Variants in GDF10 observed in about 807,000 individuals in gnomAD.
GDF10 encodes growth differentiation factor 10.
A neutral mutation model predicts 32.1 loss-of-function variants in GDF10; 23 were observed. The observed-to-expected ratio is 0.72, with a 90% confidence interval of 0.52 to 1.02. The LOEUF is 1.02. Among genes scored for constraint, GDF10 ranks in the 50% least tolerant of loss-of-function variants. GDF10 has a pLI of 0.00. For synonymous variants in GDF10, 328 were observed against 303.1 expected (o/e 1.08, Z -0.85); for missense variants, 764 against 673.9 (o/e 1.13, Z -1.48).
chr10:47,304,770 T>C (rs549991110), intron 1 of GDF10, among the ~76,000 whole-genome samples: 2 of 152,342 alleles, frequency 1.3e-5, no homozygotes, highest in African/African-American at 4.8e-5. Context: ...GTATTTCCAT[T>C]TGAAATTACT....
chr10:47,307,396 C>G (rs1555207241), intron 1 of GDF10, among the ~76,000 whole-genome samples: 1 of 152,208 alleles, frequency 6.6e-6, no homozygotes, highest in Non-Finnish European at 1.5e-5. Context: ...TAATGACGTT[C>G]TCTTCAATGC....
In GDF10 at chr10:47,300,217, G is replaced by A. The variant is rs879964147; in HGVS notation, c.-435G>A. On this transcript the variant is annotated 5_prime_UTR_variant, in exon 1 of 3. Coordinates refer to ENST00000580279, the MANE Select transcript of GDF10 (RefSeq NM_004962.5). ...CTGCCACACACGGGCGCACGCACACGGCAGCCGGGCCAGGGACGACCCTGT... is the reference window on the plus strand; with the variant it reads ...CTGCCACACACGGGCGCACGCACACAGCAGCCGGGCCAGGGACGACCCTGT... Among the ~76,000 whole-genome samples, 6 of 151,614 alleles carry A rather than the reference G, an allele frequency of 4.0e-5. No homozygotes were observed. Among genetic ancestry groups the A allele is most frequent in the Admixed American group, 1.3e-4 (2 of 15,214 alleles).
At chr10:47,304,326 C>G (rs537690033) in intron 1 of GDF10, among the ~76,000 whole-genome samples, 1 of 148,346 alleles carries the variant, frequency 6.7e-6, no homozygotes, top group Non-Finnish European at 1.5e-5. Flanking sequence ...AACGTGCATG[C>G]GTAAGGGACA....
chr10:47,305,128 G>C (rs1317458724), intron 1 of GDF10, among the ~76,000 whole-genome samples: 1 of 152,172 alleles, frequency 6.6e-6, no homozygotes, highest in Non-Finnish European at 1.5e-5. Context: ...AGAGGCAAAA[G>C]AGTTCTCAGG....
intron 1 of GDF10, among the ~76,000 whole-genome samples, chr10:47,305,592 T>C (rs1555207167): frequency 6.6e-6 from 1 of 152,254 alleles, no homozygotes; most frequent in Non-Finnish European, 1.5e-5. Context: ...AGTGGCTGTT[T>C]GAGGGGCAGT....
chr10:47,301,453 G>A (rs1419858053), intron 1 of GDF10, among the ~76,000 whole-genome samples: 2 of 151,744 alleles, frequency 1.3e-5, no homozygotes, highest in East Asian at 3.9e-4. Flanking sequence ...ACTGAGAAGG[G>A]CCTTGGCTGC....
chr10:47,300,601 C>G lies in GDF10; in HGVS notation c.-51C>G, dbSNP rs879977906. ...CAGTCCGCAGCCTCCGGTGCGCCAGCGCTCGCCTTCCTCCTCCTGGACTTC... is the reference window on the plus strand; with the variant it reads ...CAGTCCGCAGCCTCCGGTGCGCCAGGGCTCGCCTTCCTCCTCCTGGACTTC... On this transcript the variant is annotated 5_prime_UTR_variant, in exon 1 of 3. Coordinates refer to ENST00000580279, the MANE Select transcript of GDF10 (RefSeq NM_004962.5). The G allele has an allele frequency of 6.7e-7, 1 of 1,498,484 alleles. No homozygotes were observed. Among genetic ancestry groups the G allele is most frequent in the South Asian group, 1.3e-5 (1 of 77,768 alleles). 92.8% of individuals were successfully genotyped at this position (1,498,484 alleles called of 1,614,324 possible).
intron 2 of GDF10, among the ~76,000 whole-genome samples, chr10:47,312,363 G>T (rs2061049555): frequency 6.6e-6 from 1 of 152,190 alleles, no homozygotes; most frequent in Non-Finnish European, 1.5e-5. Context: ...AAGCCAAAGG[G>T]CAGGAAGGCC....
intron 1 of GDF10, 70 bp downstream of exon 1, chr10:47,301,040 C>T (rs1190725941): frequency 4.8e-6 from 5 of 1,045,446 alleles, no homozygotes; most frequent in Non-Finnish European, 6.6e-6. Context: ...TCTCCCCACC[C>T]GTGCACCTCT....
rs34420310 is a variant in GDF10 at position 47,300,695 on chromosome 10, AGCT to A, written c.62_64del (p.Leu21del). The A allele has an allele frequency of 9.4e-3, 15,071 of 1,597,096 alleles. 104 individuals are homozygous for A. Among genetic ancestry groups the A allele is most frequent in the Non-Finnish European group, 0.011 (12,606 of 1,173,438 alleles). On this transcript the variant is annotated inframe_deletion, in exon 1 of 3. Transcript: ENST00000580279. ...CGGACCAGCCCGGGACCCGGGCCCC[AGCT>A]GCTGCTGCTGCTGCTGCCGTTGTTT...
At position 47,309,673 on chromosome 10, in the gene GDF10, C is replaced by T. The variant is rs60085126; in HGVS notation, c.320-123C>T. On this transcript the variant is annotated intron_variant, in intron 1 of 2. Transcript: ENST00000580279. ...ATTACACGAAAGGAGGGAAGCAAAG[C>T]GGGGGAGGAGGATGGTCCTGAAAGT... The T allele has an allele frequency of 8.0e-3, 5,256 of 661,076 alleles. 212 individuals are homozygous for T. In the African/African-American group the frequency reaches 0.082, roughly 10 times the overall value. 41.0% of individuals were successfully genotyped at this position (661,076 alleles called of 1,614,324 possible). A position where few individuals can be genotyped will look rare whatever the true frequency, so the allele number is the denominator to read the frequency against.
At chr10:47,306,198 C>A (rs1229377172) in intron 1 of GDF10, among the ~76,000 whole-genome samples, 1 of 152,228 alleles carries the variant, frequency 6.6e-6, no homozygotes, top group Non-Finnish European at 1.5e-5. Context: ...CAAGCACATA[C>A]ACTTGGAGCT....
rs782118003 is a variant in GDF10, at chr10:47,310,369, T to A, written c.893T>A (p.Leu298His). ...VRRAAQATGP[L>H]QDNELPGLDE... ...CGAGCCGCGCAGGCCACTGGGCCCC[T>A]CCAGGACAACGAGCTGCCGGGGCTG... is the stretch of plus-strand genomic sequence containing the variant. The change falls in exon 2 of 3, where the codon CTC becomes CAC. Residue 298 changes from leucine (L) to histidine (H), a missense_variant. Coordinates refer to ENST00000580279, the MANE Select transcript of GDF10 (RefSeq NM_004962.5). The A allele has an allele frequency of 6.2e-7, 1 of 1,607,366 alleles. No individual in the cohort carries two copies. Among genetic ancestry groups the A allele is most frequent in the Admixed American group, 1.7e-5 (1 of 59,448 alleles).
intron 1 of GDF10, among the ~76,000 whole-genome samples, chr10:47,301,482 AC>A (rs77671995): frequency 0.09 from 13,648 of 152,234 alleles, 1,280 homozygotes; most frequent in African/African-American, 0.23. Context: ...GAGGACTTCC[AC>A]GGACTGGCAT....
chr10:47,306,130 C>T (rs556292841), intron 1 of GDF10, among the ~76,000 whole-genome samples: 6 of 152,332 alleles, frequency 3.9e-5, no homozygotes, highest in Admixed American at 3.3e-4. Context: ...ATGACCGCTC[C>T]CTACTCTCTT....
In GDF10 at chr10:47,309,886, CAG is replaced by C; in HGVS notation, c.413_414del (p.Glu138AlafsTer90). ...CTTACGGCCACTTTCCACTTCTACT[CAG>C]AGCCGCCTCGGTGGCCTCGAGCGCT... On this transcript the variant is annotated frameshift_variant, in exon 2 of 3. Transcript: ENST00000580279. LOFTEE classifies it high-confidence loss of function. 6.2e-7 allele frequency: 1 copy of C among 1,613,196 alleles called. No homozygotes were observed. The highest frequency in any genetic ancestry group is 8.5e-7 in the Non-Finnish European group (1 of 1,179,892).
At position 47,310,212 on chromosome 10, in the gene GDF10, G is replaced by A. The variant is rs575463331; in HGVS notation, c.736G>A (p.Val246Ile). ...CAGCCCCTATGCGCCCTACATCCTA[G>A]TCTATGCCAACGATCTGGCCATCTC... ...RPSPYAPYIL[V>I]YANDLAISEP... Residue 246 changes from valine (V) to isoleucine (I), a missense_variant, in exon 2 of 3, where the codon GTC (valine) becomes ATC (isoleucine). Physicochemically the swap from Val to Ile is conservative, Grantham distance 29. Transcript: ENST00000580279. 1.2e-6 allele frequency: 2 copies of A among 1,611,170 alleles called. No homozygotes were observed. The highest frequency in any genetic ancestry group is 2.7e-5 in the African/African-American group (2 of 74,994).
At chr10:47,309,705 C>G (rs368700074) in intron 1 of GDF10, 91 bp from the exon 2 acceptor site, 5 of 770,738 alleles carry the variant, frequency 6.5e-6, no homozygotes, top group African/African-American at 1.7e-5. Flanking sequence ...AAGTGTGGAT[C>G]GGTGGGCGTT....
intron 2 of GDF10, among the ~76,000 whole-genome samples, chr10:47,311,109 T>G (rs1167086268): frequency 6.6e-6 from 1 of 152,186 alleles, no homozygotes; most frequent in African/African-American, 2.4e-5. Context: ...TGACCAAGGC[T>G]CTCATTTCTG....
Sources: gnomAD v4.1 joint callset for allele counts (sites outside exome capture counted in the v4.1 genomes callset) on GRCh38, gnomAD v4.1.1 for gene constraint, MANE v1.5 for transcripts, NCBI Gene and HGNC (gene_info 2026-07-23, HGNC 2026-07-21) for gene names.